The following UBL3 variants were observed in gnomAD, a reference collection of about 807,000 sequenced individuals.
UBL3 encodes ubiquitin-like protein 3.
Under a neutral mutation model 18.4 loss-of-function variants are expected in UBL3, and 6 were observed. The observed-to-expected ratio is 0.33, with a 90% CI of 0.18 to 0.64. The LOEUF is 0.64. Ranked by LOEUF, UBL3 falls within the 30% of genes least tolerant of loss-of-function variation. The pLI, the probability that UBL3 is intolerant of heterozygous loss-of-function variation, is 0.76. For missense variants in UBL3, 109 were observed against 142.9 expected, an observed-to-expected ratio of 0.76 and a Z score of 1.21; for synonymous variants, 49 against 46.6, an observed-to-expected ratio of 1.05 and a Z score of -0.21.
intron 2 of UBL3, among the ~76,000 whole-genome samples, chr13:29,776,913 T>TA (rs750810759): frequency 2.0e-5 from 3 of 147,460 alleles, no homozygotes; most frequent in Admixed American, 1.4e-4. Context: ...TTTTTTCACT[T>TA]ACGTTAAAAC....
intron 2 of UBL3, among the ~76,000 whole-genome samples, chr13:29,776,665 G>T (rs1164684946): frequency 6.6e-6 from 1 of 151,890 alleles, no homozygotes; most frequent in Non-Finnish European, 1.5e-5. Flanking sequence ...AAGGTCAAGA[G>T]ATCGAGACCA....
chr13:29,810,344 GA>G lies in UBL3; in HGVS notation c.28-33082del, dbSNP rs1291666021. The stretch of plus-strand genomic sequence containing the variant: ...TAGCCTGGGAACTGATCCAATTCTA[GA>G]AAAGAGAGAGATAGAAGAGAGCACA... On this transcript the variant is annotated intron_variant, in intron 1 of 4. Coordinates refer to ENST00000380680, the MANE Select transcript of UBL3 (RefSeq NM_007106.4). Among the ~76,000 whole-genome samples, 3 of 152,068 alleles carry G rather than the reference GA, an allele frequency of 2.0e-5. No homozygotes were observed. In the East Asian group the frequency reaches 5.8e-4, roughly 29 times the overall value.
intron 1 of UBL3, among the ~76,000 whole-genome samples, chr13:29,817,722 C>T (rs1423129099): frequency 6.6e-6 from 1 of 152,060 alleles, no homozygotes; most frequent in Non-Finnish European, 1.5e-5. Context: ...TTCACATGTA[C>T]ATGTGTGCAT....
chr13:29,769,879 T>A (rs1876793990), intron 3 of UBL3, among the ~76,000 whole-genome samples: 1 of 152,212 alleles, frequency 6.6e-6, no homozygotes, highest in South Asian at 2.1e-4. Flanking sequence ...CTTCCTACTT[T>A]GTCTGCATAA....
chr13:29,780,030 C>G (rs1357404929), intron 1 of UBL3, among the ~76,000 whole-genome samples: 1 of 152,076 alleles, frequency 6.6e-6, no homozygotes, highest in African/African-American at 2.4e-5. Context: ...CTGTATTTTG[C>G]TGTGGCAGCC....
At chr13:29,816,586 T>C (rs1313510860) in intron 1 of UBL3, among the ~76,000 whole-genome samples, 2 of 151,428 alleles carry the variant, frequency 1.3e-5, no homozygotes, top group Non-Finnish European at 2.9e-5. Flanking sequence ...TGGTGAGATT[T>C]TGTATCTACA....
At chr13:29,803,912 C>T (rs775398625) in intron 1 of UBL3, among the ~76,000 whole-genome samples, 3 of 151,880 alleles carry the variant, frequency 2.0e-5, no homozygotes, top group Non-Finnish European at 4.4e-5. Context: ...TTTTCAAGAC[C>T]TGAACTTGAT....
intron 2 of UBL3, among the ~76,000 whole-genome samples, chr13:29,775,663 G>A (rs191677038): frequency 2.8e-3 from 429 of 152,118 alleles, no homozygotes; most frequent in South Asian, 0.012. Flanking sequence ...TCACCCAGGC[G>A]GGAGTACAGA....
At chr13:29,829,091 G>C (rs1305563068) in intron 1 of UBL3, among the ~76,000 whole-genome samples, 1 of 152,064 alleles carries the variant, frequency 6.6e-6, no homozygotes, top group African/African-American at 2.4e-5. Context: ...CCCTACTAGG[G>C]GGTGCCTCCC....
Position 29,779,154 on chromosome 13 carries a change from G to C in UBL3, c.28-1891C>G, listed in dbSNP as rs191578375. On this transcript the variant is annotated intron_variant, in intron 1 of 4. Transcript: ENST00000380680. ...TTACACTCTACGAAAGTACCACCTTGTTTATTTCCTATAGCAAATCAGTAA... is the reference window on the plus strand; with the variant it reads ...TTACACTCTACGAAAGTACCACCTTCTTTATTTCCTATAGCAAATCAGTAA... 637 of 457,044 alleles carry C rather than the reference G, an allele frequency of 1.4e-3. 2 individuals carry two copies. Among genetic ancestry groups the C allele is most frequent in the African/African-American group, 0.012 (590 of 49,682 alleles). The allele number at this position is 457,044 out of a possible 1,614,324, so 28.3% of individuals were successfully genotyped here. A position where few individuals can be genotyped will look rare whatever the true frequency, so the allele number is the denominator to read the frequency against.
At chr13:29,789,151 G>A (rs543839226) in intron 1 of UBL3, among the ~76,000 whole-genome samples, 3 of 151,988 alleles carry the variant, frequency 2.0e-5, no homozygotes, top group Admixed American at 1.3e-4. Flanking sequence ...CACCAGCCTC[G>A]TCCTCCCAAA....
At chr13:29,823,098 A>G (rs1248212924) in intron 1 of UBL3, among the ~76,000 whole-genome samples, 2 of 152,224 alleles carry the variant, frequency 1.3e-5, no homozygotes, top group African/African-American at 4.8e-5. Context: ...ATTAATTACA[A>G]AATTAGAATG....
chr13:29,821,794 C>G (rs1036714483), intron 1 of UBL3, among the ~76,000 whole-genome samples: 1 of 152,076 alleles, frequency 6.6e-6, no homozygotes, highest in Non-Finnish European at 1.5e-5. Flanking sequence ...TGATTTCGTA[C>G]AGAAATACAA....
At chr13:29,793,174 T>C (rs1316831120) in intron 1 of UBL3, among the ~76,000 whole-genome samples, 1 of 152,132 alleles carries the variant, frequency 6.6e-6, no homozygotes, top group Non-Finnish European at 1.5e-5. Flanking sequence ...GGAAAAATTT[T>C]AAAAAGAAAC....
intron 1 of UBL3, among the ~76,000 whole-genome samples, chr13:29,829,279 C>A (rs1471373081): frequency 6.6e-6 from 1 of 152,206 alleles, no homozygotes; most frequent in Non-Finnish European, 1.5e-5. Flanking sequence ...TGTGCCCTGC[C>A]CCCAGAGGTA....
chr13:29,803,612 G>GAAA (rs59408343), intron 1 of UBL3, among the ~76,000 whole-genome samples: 19 of 143,808 alleles, frequency 1.3e-4, no homozygotes, highest in Non-Finnish European at 2.8e-4. Context: ...ATGGAAAACA[G>GAAA]AAAAAAAAAA....
intron 1 of UBL3, among the ~76,000 whole-genome samples, chr13:29,817,642 AT>A (rs1183731348): frequency 6.6e-6 from 1 of 152,202 alleles, no homozygotes; most frequent in Non-Finnish European, 1.5e-5. Flanking sequence ...ATCATAGATA[AT>A]TTTTTTAAAA....
intron 1 of UBL3, among the ~76,000 whole-genome samples, chr13:29,847,561 T>C (rs1593680864): frequency 6.6e-6 from 1 of 152,212 alleles, no homozygotes; most frequent in East Asian, 1.9e-4. Flanking sequence ...ATCATCTCAA[T>C]CTGTGACTGA....
chr13:29,805,438 A>G (rs930633647), intron 1 of UBL3, among the ~76,000 whole-genome samples: 3 of 152,216 alleles, frequency 2.0e-5, no homozygotes, highest in Non-Finnish European at 1.5e-5. Context: ...CCCTCTTCCA[A>G]GAGTCTGATA....
Sources: allele counts gnomAD v4.1 joint callset (sites outside exome capture counted in the v4.1 genomes callset), GRCh38; gene constraint gnomAD v4.1.1; transcripts MANE v1.5; gene names NCBI Gene and HGNC (gene_info 2026-07-23, HGNC 2026-07-21).